Variants in PCDHGA4 observed in about 807,000 individuals in gnomAD.
PCDHGA4 encodes protocadherin gamma subfamily A, 4.
PCDHGA4 carries 38 observed loss-of-function variants against 54.6 expected under a neutral mutation model. The ratio of observed to expected loss-of-function variants is 0.70; its 90% CI spans 0.54 to 0.91. The LOEUF (loss-of-function observed/expected upper bound fraction) is 0.91, where lower values mean the gene tolerates loss of function less well. Ranked by LOEUF, PCDHGA4 falls within the 40% of genes least tolerant of loss-of-function variation. The pLI, the probability that PCDHGA4 is intolerant of heterozygous loss-of-function variation, is 0.00. For synonymous variants in PCDHGA4, 511 were observed against 512.9 expected, an observed-to-expected ratio of 1.00 and a Z score of 0.05; for missense variants, 1,298 against 1,220.9, an observed-to-expected ratio of 1.06 and a Z score of -0.94.
At chr5:141,408,716 A>G in intron 1 of PCDHGA4, 2 of 1,611,732 alleles carry the variant, frequency 1.2e-6, no homozygotes, top group East Asian at 2.2e-5. Context: ...AGATTATAAG[A>G]TAAACTCTAA....
chr5:141,472,733 C>T (rs1450872513), intron 1 of PCDHGA4, among the ~76,000 whole-genome samples: 2 of 151,996 alleles, frequency 1.3e-5, no homozygotes, highest in Non-Finnish European at 2.9e-5. Context: ...CACCTGTAAT[C>T]CCAGCACTTT....
rs867810670 is a variant in PCDHGA4 at position 141,385,551 on chromosome 5, T to C, written c.2514+27930T>C. 11 of 1,313,528 alleles carry C rather than the reference T, an allele frequency of 8.4e-6. No individual in the cohort carries two copies. The African/African-American group carries it at 9.1e-5, about 11-fold the overall frequency. 81.4% of individuals were successfully genotyped at this position (1,313,528 alleles called of 1,614,324 possible). ...GATTATGAATATGTGGACTATCACA[T>C]TTTATAATTTCCACCTACTTTCCAA... On this transcript the variant is annotated intron_variant, in intron 1 of 3. Transcript: ENST00000571252.
intron 1 of PCDHGA4, chr5:141,360,675 C>T: frequency 5.0e-6 from 8 of 1,613,980 alleles, no homozygotes; most frequent in Non-Finnish European, 6.8e-6. Flanking sequence ...ACTTTGATCT[C>T]GCTGAGAAAC....
chr5:141,384,012 A>C, intron 1 of PCDHGA4: 1 of 1,613,830 alleles, frequency 6.2e-7, no homozygotes. Flanking sequence ...TTTTCTACCT[A>C]CAAGACAGAG....
chr5:141,428,043 A>C (rs765740380), intron 1 of PCDHGA4: 1 of 1,608,722 alleles, frequency 6.2e-7, no homozygotes, highest in South Asian at 1.1e-5. Context: ...CTACCTGGTG[A>C]CCAAGGTGGT....
chr5:141,466,016 G>A (rs1592991828), intron 1 of PCDHGA4, among the ~76,000 whole-genome samples: 2 of 152,032 alleles, frequency 1.3e-5, no homozygotes, highest in East Asian at 3.9e-4. Flanking sequence ...CAGCTACTCG[G>A]GAGGGTGAGG....
chr5:141,413,573 A>G (rs375156046), intron 1 of PCDHGA4: 12 of 1,613,768 alleles, frequency 7.4e-6, no homozygotes, highest in South Asian at 4.4e-5. Context: ...ATCAATGACA[A>G]TGCTCCAAAA....
chr5:141,423,438 C>T lies in PCDHGA4; in HGVS notation c.2514+65817C>T, dbSNP rs2096741369. 5 of 1,613,942 alleles carry T rather than the reference C, an allele frequency of 3.1e-6. No homozygotes were observed. In the East Asian group the frequency reaches 8.9e-5, roughly 29 times the overall value. On this transcript the variant is annotated intron_variant, in intron 1 of 3. Transcript: ENST00000571252. Reference sequence around the variant, plus strand: ...CTGAAGGCGGGTTGGCAGGTATGCCCACGTCACATTTTGTAGGCGTGGACG... The same window carrying T: ...CTGAAGGCGGGTTGGCAGGTATGCCTACGTCACATTTTGTAGGCGTGGACG...
chr5:141,387,634 G>A, intron 1 of PCDHGA4: 3 of 589,412 alleles, frequency 5.1e-6, no homozygotes, highest in South Asian at 2.4e-5. Flanking sequence ...TCTGGGCGCC[G>A]CTGTTGGCCA....
At chr5:141,377,773 A>G (rs987234769) in intron 1 of PCDHGA4, 4 of 152,220 alleles carry the variant, frequency 2.6e-5, no homozygotes, top group Admixed American at 6.5e-5. Flanking sequence ...TTTGGTGTTA[A>G]AAGACCTGAA....
chr5:141,432,539 G>A lies in PCDHGA4; in HGVS notation c.2515-62268G>A. 2.5e-6 allele frequency: 4 copies of A among 1,614,038 alleles called. No individual in the cohort carries two copies. Among genetic ancestry groups the A allele is most frequent in the Non-Finnish European group, 3.4e-6 (4 of 1,180,022 alleles). ...CTACCTGGTGACCAAGGTGGTGGCG[G>A]TGGACAGAGACTCCGGCCAGAACGC... On this transcript the variant is annotated intron_variant, in intron 1 of 3. Transcript: ENST00000571252. The surrounding 1 kb of genome is among the most constrained non-coding windows in gnomAD (Gnocchi z 6.0).
Position 141,491,482 on chromosome 5 carries a change from A to G in PCDHGA4, c.2515-3325A>G. On this transcript the variant is annotated intron_variant, in intron 1 of 3. Coordinates refer to ENST00000571252, the MANE Select transcript of PCDHGA4 (RefSeq NM_018917.4). The surrounding 1 kb of genome is among the most constrained non-coding windows in gnomAD (Gnocchi z 6.9). Reference sequence around the variant, plus strand: ...GGACTTCTATAAGCAGTCCAGCCCCAACCTGCAGGTGAGCTCGGACGGCAC... The same window carrying G: ...GGACTTCTATAAGCAGTCCAGCCCCGACCTGCAGGTGAGCTCGGACGGCAC... 1 of 1,614,088 alleles carries G rather than the reference A, an allele frequency of 6.2e-7. No individual in the cohort carries two copies. The highest frequency in any genetic ancestry group is 8.5e-7 in the Non-Finnish European group (1 of 1,180,006).
chr5:141,400,155 A>C lies in PCDHGA4; in HGVS notation c.2514+42534A>C, dbSNP rs756922498. The C allele has an allele frequency of 5.0e-6, 8 of 1,613,966 alleles. 1 individual carries two copies. The South Asian group carries it at 6.6e-5, about 13-fold the overall frequency. ...TGCCGGATATCACTGACCGCCCTGT[A>C]CCCTCTGACCCCCAGGCTGAGCTGC... On this transcript the variant is annotated intron_variant, in intron 1 of 3. Transcript: ENST00000571252.
chr5:141,446,639 G>T (rs1461520959), intron 1 of PCDHGA4, among the ~76,000 whole-genome samples: 7 of 152,116 alleles, frequency 4.6e-5, no homozygotes, highest in Non-Finnish European at 8.8e-5. Flanking sequence ...ACCACGCCTG[G>T]CTAATTTTTG....
rs1178101439 is a variant in PCDHGA4, at chr5:141,443,790, T to C, written c.2515-51017T>C. On this transcript the variant is annotated intron_variant, in intron 1 of 3. Coordinates refer to ENST00000571252, the MANE Select transcript of PCDHGA4 (RefSeq NM_018917.4). Reference sequence around the variant, plus strand: ...AATATTACCAAAAAGACAAAAAAAATGAAAAGGAAACAGTTACCTTTGGAA... The same window carrying C: ...AATATTACCAAAAAGACAAAAAAAACGAAAAGGAAACAGTTACCTTTGGAA... Among the ~76,000 whole-genome samples, 6 of 151,950 alleles carry C rather than the reference T, an allele frequency of 3.9e-5. No homozygotes were observed. The East Asian group carries it at 1.2e-3, about 29-fold the overall frequency.
At chr5:141,404,241 C>T (rs960579159) in intron 1 of PCDHGA4, 9 of 1,613,576 alleles carry the variant, frequency 5.6e-6, no homozygotes, top group African/African-American at 4.0e-5. Context: ...AGAGGAACTC[C>T]GCCCCTGTCC....
chr5:141,438,576 A>C (rs1016175176), intron 1 of PCDHGA4, among the ~76,000 whole-genome samples: 4 of 55,572 alleles, frequency 7.2e-5, no homozygotes, highest in Non-Finnish European at 1.2e-4. Context: ...TCTGATATAC[A>C]TACATACATA....
chr5:141,442,720 T>C (rs941034636), intron 1 of PCDHGA4, among the ~76,000 whole-genome samples: 1 of 152,202 alleles, frequency 6.6e-6, no homozygotes, highest in Non-Finnish European at 1.5e-5. Flanking sequence ...GCCAGAGCAT[T>C]TGGGGCCTGT....
chr5:141,441,230 ATTTAAATCACAAGATC>A (rs1009424536), intron 1 of PCDHGA4: 1 of 152,196 alleles, frequency 6.6e-6, no homozygotes, highest in African/African-American at 2.4e-5. Context: ...ACTGTCCAGG[ATTTAAATCACAAGATC>A]TTTAAATCAC....
Sources: gnomAD v4.1 joint callset for allele counts (sites outside exome capture counted in the v4.1 genomes callset) on GRCh38, gnomAD v4.1.1 for gene constraint, Gnocchi (gnomAD v3.1) non-coding constraint, MANE v1.5 for transcripts, NCBI Gene and HGNC (gene_info 2026-07-23, HGNC 2026-07-21) for gene names.